UNC5C: variants seen among roughly 807,000 people sequenced by gnomAD.
UNC5C encodes unc-5 netrin receptor C.
A neutral mutation model predicts 99.8 loss-of-function variants in UNC5C; 47 were observed. That is an observed-to-expected ratio of 0.47 (90% CI 0.37 to 0.60). The LOEUF is 0.60. Among genes scored for constraint, UNC5C ranks in the 20% least tolerant of loss-of-function variants. The pLI, the probability that UNC5C is intolerant of heterozygous loss-of-function variation, is 0.00. For missense variants in UNC5C, 1,062 were observed against 1,165.9 expected (o/e 0.91, Z 1.30); for synonymous variants, 487 against 452.2 (o/e 1.08, Z -0.98).
At chr4:95,389,811 A>G (rs2149444674) in intron 1 of UNC5C, among the ~76,000 whole-genome samples, 1 of 152,242 alleles carries the variant, frequency 6.6e-6, no homozygotes, top group East Asian at 1.9e-4. Flanking sequence ...AAAATCTATC[A>G]TTAATAGTTT....
intron 4 of UNC5C, 51 bp from the exon 5 acceptor site, chr4:95,250,718 G>A (rs936666856): frequency 2.5e-6 from 4 of 1,573,090 alleles, no homozygotes; most frequent in Middle Eastern, 1.9e-4. Context: ...ATCCCCTGAT[G>A]GCTGTCTGTC....
At chr4:95,511,702 C>T (rs1722080263) in intron 1 of UNC5C, among the ~76,000 whole-genome samples, 1 of 152,042 alleles carries the variant, frequency 6.6e-6, no homozygotes, top group Non-Finnish European at 1.5e-5. Context: ...CTGCTAGATG[C>T]ATAGGAGATA....
intron 1 of UNC5C, among the ~76,000 whole-genome samples, chr4:95,522,417 G>C (rs1220633830): frequency 6.6e-6 from 1 of 152,106 alleles, no homozygotes; most frequent in East Asian, 1.9e-4. Flanking sequence ...AGCATACACA[G>C]GTGTGCATGA....
At chr4:95,425,637 A>G (rs1746460556) in intron 1 of UNC5C, among the ~76,000 whole-genome samples, 1 of 152,250 alleles carries the variant, frequency 6.6e-6, no homozygotes, top group Non-Finnish European at 1.5e-5. Context: ...CAGAAAGTCT[A>G]AATAATTGAC....
chr4:95,283,243 C>T (rs10013252), intron 3 of UNC5C, among the ~76,000 whole-genome samples: 5,361 of 152,234 alleles, frequency 0.035, 231 homozygotes, highest in African/African-American at 0.097. Flanking sequence ...AGAATGGCGA[C>T]AGCTACAGGC....
chr4:95,393,851 T>TTTTTC (rs1553968855), intron 1 of UNC5C, among the ~76,000 whole-genome samples: 5 of 74,372 alleles, frequency 6.7e-5, no homozygotes, highest in Non-Finnish European at 1.2e-4. Flanking sequence ...CAATCTACTG[T>TTTTTC]TTTTTTTTTT....
chr4:95,268,043 A>G (rs1037045655), intron 4 of UNC5C, among the ~76,000 whole-genome samples: 13 of 143,184 alleles, frequency 9.1e-5, no homozygotes, highest in Non-Finnish European at 4.5e-5. Context: ...TCCGCCTCCC[A>G]GGTTCACGCC....
chr4:95,234,463 G>C (rs867647471), intron 7 of UNC5C, among the ~76,000 whole-genome samples: 1 of 151,656 alleles, frequency 6.6e-6, no homozygotes, highest in Non-Finnish European at 1.5e-5. Context: ...TGCCACGTTC[G>C]TGTGCTGCAC....
chr4:95,455,602 T>C (rs891054824), intron 1 of UNC5C, among the ~76,000 whole-genome samples: 1 of 152,026 alleles, frequency 6.6e-6, no homozygotes, highest in Non-Finnish European at 1.5e-5. Flanking sequence ...AACTCCAGCC[T>C]GGGAGACAGG....
chr4:95,325,683 T>G (rs2149415266), intron 2 of UNC5C, among the ~76,000 whole-genome samples: 1 of 152,288 alleles, frequency 6.6e-6, no homozygotes, highest in Admixed American at 6.5e-5. Flanking sequence ...ATAGCTTCTC[T>G]TCATCAATTC....
At chr4:95,309,489 G>A (rs1475629393) in intron 2 of UNC5C, among the ~76,000 whole-genome samples, 1 of 151,986 alleles carries the variant, frequency 6.6e-6, no homozygotes, top group Non-Finnish European at 1.5e-5. Context: ...ACAAAGTGAA[G>A]AGACAACTTA....
intron 3 of UNC5C, among the ~76,000 whole-genome samples, chr4:95,291,831 A>T (rs958185698): frequency 6.6e-6 from 1 of 152,146 alleles, no homozygotes; most frequent in African/African-American, 2.4e-5. Flanking sequence ...CCAATTCAAA[A>T]TATGGCCTCT....
chr4:95,513,126 G>T (rs1001295890), intron 1 of UNC5C, among the ~76,000 whole-genome samples: 2 of 152,160 alleles, frequency 1.3e-5, no homozygotes, highest in Non-Finnish European at 2.9e-5. Flanking sequence ...GAGGCTAAAA[G>T]CAAAGTGACA....
At chr4:95,529,280 T>G (rs1722576895) in intron 1 of UNC5C, among the ~76,000 whole-genome samples, 1 of 148,550 alleles carries the variant, frequency 6.7e-6, no homozygotes, top group South Asian at 2.1e-4. Flanking sequence ...ATGTATGTAT[T>G]TATATGTATA....
intron 1 of UNC5C, among the ~76,000 whole-genome samples, chr4:95,523,309 C>T (rs188832114): frequency 2.5e-4 from 38 of 152,182 alleles, no homozygotes; most frequent in Non-Finnish European, 5.0e-4. Flanking sequence ...AGCCTTTAGC[C>T]GCCAACAGGA....
chr4:95,191,476 C>T (rs1737090027), intron 12 of UNC5C, among the ~76,000 whole-genome samples: 1 of 152,016 alleles, frequency 6.6e-6, no homozygotes. Flanking sequence ...GCTAGGGTCC[C>T]ACAGCGGATC....
intron 1 of UNC5C, among the ~76,000 whole-genome samples, chr4:95,488,259 T>G (rs550768219): frequency 6.6e-6 from 1 of 151,772 alleles, no homozygotes; most frequent in Non-Finnish European, 1.5e-5. Context: ...GAAAGTGCTA[T>G]GTACACAATA....
At chr4:95,306,226 G>A (rs1218434148) in intron 2 of UNC5C, among the ~76,000 whole-genome samples, 1 of 151,366 alleles carries the variant, frequency 6.6e-6, no homozygotes, top group African/African-American at 2.4e-5. Context: ...TTTTTGAGAC[G>A]GAGTCTTGCT....
chr4:95,503,044 T>C (rs1480539107), intron 1 of UNC5C, among the ~76,000 whole-genome samples: 1 of 152,156 alleles, frequency 6.6e-6, no homozygotes, highest in African/African-American at 2.4e-5. Context: ...TTGGTTCATA[T>C]GTGCTATGGC....
Sources: gnomAD v4.1 joint callset for allele counts (sites outside exome capture counted in the v4.1 genomes callset) on GRCh38, gnomAD v4.1.1 for gene constraint, MANE v1.5 for transcripts, NCBI Gene and HGNC (gene_info 2026-07-23, HGNC 2026-07-21) for gene names.